Variants in AP3M2 observed in about 807,000 individuals in gnomAD.
The protein encoded by AP3M2 is adaptor related protein complex 3 subunit mu 2, also known as AP-3 complex subunit mu-2.
In AP3M2, 28 loss-of-function variants were observed where a neutral mutation model predicts 41.6. The ratio of observed to expected loss-of-function variants is 0.67; its 90% CI spans 0.50 to 0.92. The LOEUF (loss-of-function observed/expected upper bound fraction) is 0.92. AP3M2 is among the 40% of genes least tolerant of loss of function. The pLI is 0.00. For synonymous variants in AP3M2, 193 were observed against 186.4 expected (o/e 1.04, Z -0.29); for missense variants, 427 against 521.4 (o/e 0.82, Z 1.76).
chr8:42,156,359 C>G (rs946927096), intron 2 of AP3M2, among the ~76,000 whole-genome samples: 4 of 152,154 alleles, frequency 2.6e-5, no homozygotes. Flanking sequence ...AGTGGACATC[C>G]TGATTCTCAG....
intron 4 of AP3M2, among the ~76,000 whole-genome samples, chr8:42,163,277 A>T (rs963301713): frequency 2.6e-5 from 4 of 152,250 alleles, no homozygotes; most frequent in African/African-American, 4.8e-5. Flanking sequence ...AGCCTGGGCA[A>T]CATAGTGAGA....
chr8:42,165,642 G>C, intron 6 of AP3M2, 82 bp downstream of exon 6: 1 of 1,519,390 alleles, frequency 6.6e-7, no homozygotes, highest in East Asian at 2.3e-5. Flanking sequence ...TAAGAACTCA[G>C]GCTCTAGAGT....
At position 42,162,297 on chromosome 8, in the gene AP3M2, T is replaced by C. The variant is rs1804527280; in HGVS notation, c.462T>C (p.Gly154=). The C allele has an allele frequency of 6.2e-7, 1 of 1,611,872 alleles. No homozygotes were observed. Among genetic ancestry groups the C allele is most frequent in the Admixed American group, 1.7e-5 (1 of 59,608 alleles). ...VNTITGSTNV[G]DQLPTGQLSV... ...TTGCCTCAGGAAGCACGAATGTGGG[T>C]GACCAGCTTCCCACTGGGCAGCTGT... The change falls in exon 4 of 9, where the codon GGT becomes GGC. Residue 154 remains glycine (G), a synonymous_variant. Coordinates refer to ENST00000396926, the MANE Select transcript of AP3M2 (RefSeq NM_006803.4).
chr8:42,161,082 C>T (rs1007600967), intron 3 of AP3M2, among the ~76,000 whole-genome samples: 4 of 151,826 alleles, frequency 2.6e-5, no homozygotes, highest in Admixed American at 2.6e-4. Flanking sequence ...GCGGGAGGAT[C>T]ACTCATGCAC....
intron 2 of AP3M2, among the ~76,000 whole-genome samples, chr8:42,157,038 T>C (rs1454644864): frequency 2.6e-5 from 4 of 152,218 alleles, no homozygotes; most frequent in African/African-American, 9.7e-5. Context: ...TTTTCCTTCA[T>C]TCTATGAGTT....
chr8:42,168,920 A>G (rs756675579), intron 8 of AP3M2, 41 bp from the exon 9 acceptor site: 1 of 1,478,106 alleles, frequency 6.8e-7, no homozygotes, highest in Non-Finnish European at 9.3e-7. Context: ...CTCCTTTTGA[A>G]TAATACTCAT....
At chr8:42,163,560 A>G (rs1223222650) in intron 4 of AP3M2, among the ~76,000 whole-genome samples, 1 of 152,232 alleles carries the variant, frequency 6.6e-6, no homozygotes, top group Admixed American at 6.5e-5. Context: ...GTGGATTGAA[A>G]TGAAGTTATT....
At chr8:42,161,100 C>T (rs1804494113) in intron 3 of AP3M2, among the ~76,000 whole-genome samples, 1 of 151,836 alleles carries the variant, frequency 6.6e-6, no homozygotes, top group African/African-American at 2.4e-5. Flanking sequence ...CACAGGAGTT[C>T]GAAATCAGCC....
chr8:42,168,274 A>C (rs184541922), intron 8 of AP3M2: 42 of 455,496 alleles, frequency 9.2e-5, no homozygotes, highest in African/African-American at 8.0e-4. Context: ...GTCTGTGCCG[A>C]CCTTAGCACG....
intron 4 of AP3M2, among the ~76,000 whole-genome samples, chr8:42,162,858 A>T (rs1418490821): frequency 1.5e-5 from 2 of 133,500 alleles, no homozygotes; most frequent in Non-Finnish European, 3.1e-5. Context: ...AGGTAGGAGG[A>T]TTGCTTGAGC....
At chr8:42,158,337 C>T (rs1338327479) in intron 3 of AP3M2, among the ~76,000 whole-genome samples, 1 of 151,898 alleles carries the variant, frequency 6.6e-6, no homozygotes, top group African/African-American at 2.4e-5. Context: ...CAACCTCCGC[C>T]TCCTGGGTTG....
Position 42,162,353 on chromosome 8 carries a change from A to T in AP3M2, c.518A>T (p.Lys173Ile). The T allele has an allele frequency of 6.2e-7, 1 of 1,613,796 alleles. No individual in the cohort carries two copies. Among genetic ancestry groups the T allele is most frequent in the Non-Finnish European group, 8.5e-7 (1 of 1,179,830 alleles). The change falls in exon 4 of 9, where the codon AAA (lysine) becomes ATA (isoleucine). Residue 173 changes from lysine to isoleucine, a missense_variant. Physicochemically the swap from Lys to Ile is moderately radical, Grantham distance 102. Around this residue, in one of 3 missense-constraint regions of AP3M2, gnomAD observed 86 missense variants for 142.6 expected, o/e 0.60. Coordinates refer to ENST00000396926, the MANE Select transcript of AP3M2 (RefSeq NM_006803.4). ...GTGCCTTGGCGACGGACTGGGGTGA[A>T]ATATACCAACAATGAGGCCTATTTT... ...SVVPWRRTGV[K>I]YTNNEAYFDV...
At chr8:42,157,888 T>A in intron 2 of AP3M2, 53 bp from the exon 3 acceptor site, 14 of 1,506,682 alleles carry the variant, frequency 9.3e-6, no homozygotes, top group Admixed American at 1.8e-5. Flanking sequence ...TTTTATTTAT[T>A]TATTTATTTT....
chr8:42,162,592 G>C (rs555182184), intron 4 of AP3M2, among the ~76,000 whole-genome samples, 174 bp downstream of exon 4: 1 of 152,198 alleles, frequency 6.6e-6, no homozygotes, highest in East Asian at 1.9e-4. Flanking sequence ...TTATGATGCA[G>C]ACCAGGGTTT....
intron 3 of AP3M2, among the ~76,000 whole-genome samples, chr8:42,160,081 C>G (rs1448021107): frequency 6.6e-6 from 1 of 152,160 alleles, no homozygotes; most frequent in Non-Finnish European, 1.5e-5. Context: ...CCAGAATGCT[C>G]TACAATCCAA....
intron 3 of AP3M2, among the ~76,000 whole-genome samples, chr8:42,161,731 C>T (rs1270154096): frequency 2.0e-5 from 3 of 151,940 alleles, no homozygotes; most frequent in Admixed American, 1.3e-4. Flanking sequence ...AAAGTTTATG[C>T]CTGTAAAGGA....
chr8:42,169,143 C>T lies in AP3M2; in HGVS notation c.*82C>T, dbSNP rs1804725111. 15 of 1,211,192 alleles carry T rather than the reference C, an allele frequency of 1.2e-5. No homozygotes were observed. Among genetic ancestry groups the T allele is most frequent in the Non-Finnish European group, 1.7e-5 (15 of 862,226 alleles). The allele number at this position is 1,211,192 out of a possible 1,614,324, so 75.0% of individuals were successfully genotyped here. ...AAAGTAAAAAAAAATATCAGCCTGT[C>T]TCCTAGGTCAGTCCCCTCCTGGACC... On this transcript the variant is annotated 3_prime_UTR_variant, in exon 9 of 9. Coordinates refer to ENST00000396926, the MANE Select transcript of AP3M2 (RefSeq NM_006803.4).
At position 42,165,171 on chromosome 8, in the gene AP3M2, C is replaced by T; in HGVS notation, c.669+15C>T. On this transcript the variant is annotated intron_variant, in intron 5 of 8. Transcript: ENST00000396926. ...TTTCCTTCATGGTAAAATCCTGGGC[C>T]AGAGATTAAGTTCTTGGGATGAGAA... 1.2e-6 allele frequency: 2 copies of T among 1,610,416 alleles called. No homozygotes were observed. Among genetic ancestry groups the T allele is most frequent in the Non-Finnish European group, 1.7e-6 (2 of 1,177,366 alleles).
At chr8:42,160,170 C>T (rs1368101478) in intron 3 of AP3M2, among the ~76,000 whole-genome samples, 1 of 152,166 alleles carries the variant, frequency 6.6e-6, no homozygotes, top group East Asian at 1.9e-4. Flanking sequence ...GGATGCGCAA[C>T]TGGTATAATC....
Sources: gnomAD v4.1 joint callset for allele counts (sites outside exome capture counted in the v4.1 genomes callset) on GRCh38, gnomAD v4.1.1 for gene constraint, gnomAD v4.1.1 regional missense constraint, MANE v1.5 for transcripts, NCBI Gene and HGNC (gene_info 2026-07-23, HGNC 2026-07-21) for gene names.